Variants in POLR1C observed in about 807,000 individuals in gnomAD.
The protein encoded by POLR1C is DNA-directed RNA polymerases I and III subunit RPAC1.
In POLR1C, 42 loss-of-function variants were observed where a neutral mutation model predicts 38.3. The observed-to-expected ratio is 1.10, with a 90% CI of 0.86 to 1.42. The LOEUF (loss-of-function observed/expected upper bound fraction) is 1.42. Among genes scored for constraint, POLR1C ranks in the 40% most tolerant of loss-of-function variants. POLR1C has a pLI of 0.00. For synonymous variants in POLR1C, 163 were observed against 163.9 expected (o/e 0.99, Z 0.04); for missense variants, 507 against 450.5 (o/e 1.13, Z -1.14).
chr6:43,542,228 G>GT (rs1216714471), intron 9 of POLR1C, among the ~76,000 whole-genome samples: 2 of 151,996 alleles, frequency 1.3e-5, no homozygotes, highest in Non-Finnish European at 2.9e-5. Flanking sequence ...TGAAAGTACT[G>GT]TAACACTTGA....
downstream of POLR1C, among the ~76,000 whole-genome samples, chr6:43,532,273 T>G (rs1470562885): frequency 2.0e-5 from 3 of 152,200 alleles, no homozygotes; most frequent in Non-Finnish European, 2.9e-5. Context: ...CAGGACTATC[T>G]AGGCTGAAAC....
rs1582181080 is a variant in POLR1C at position 43,519,731 on chromosome 6, T to C, written c.275T>C (p.Val92Ala). The change falls in exon 4 of 9, where the codon GTC becomes GCC. Residue 92 changes from valine to alanine, a missense_variant. Transcript: ENST00000642195. ...GTGCCAACTATGGCTGTGGAGAAGG[T>C]CCTGGTGTACAATAATACATCCATT... The part of the protein sequence containing the change: ...AEVPTMAVEK[V>A]LVYNNTSIVQ... 2 of 1,614,048 alleles carry C rather than the reference T, an allele frequency of 1.2e-6. No individual in the cohort carries two copies. Among genetic ancestry groups the C allele is most frequent in the South Asian group, 1.1e-5 (1 of 91,086 alleles).
At chr6:43,525,330 G>C (rs1407224836), downstream of POLR1C, 2 of 1,007,104 alleles carry the variant, frequency 2.0e-6, no homozygotes, top group Non-Finnish European at 1.4e-6. Context: ...TCTAAAGATG[G>C]GTTTGTTTTG....
At chr6:43,552,944 T>C (rs952256644) in intron 10 of POLR1C, among the ~76,000 whole-genome samples, 1 of 152,210 alleles carries the variant, frequency 6.6e-6, no homozygotes, top group Non-Finnish European at 1.5e-5. Flanking sequence ...CTGTTTGAAC[T>C]TGAGTATGCT....
chr6:43,534,115 A>G, downstream of POLR1C: 1 of 754,522 alleles, frequency 1.3e-6, no homozygotes. Context: ...TCTGCCCATC[A>G]ACTCCTGGCA....
intron 9 of POLR1C, chr6:43,548,150 TA>T: frequency 9.4e-7 from 1 of 1,068,348 alleles, no homozygotes; most frequent in Non-Finnish European, 1.3e-6. Flanking sequence ...ATATCATGGA[TA>T]ATGCCATCAC....
chr6:43,519,518 C>A, intron 3 of POLR1C, 78 bp downstream of exon 3: 1 of 1,355,300 alleles, frequency 7.4e-7, no homozygotes, highest in Non-Finnish European at 1.1e-6. Flanking sequence ...TTAAGTGTCT[C>A]AAGCTGTCCT....
chr6:43,538,082 C>CAAAAAA (rs1217531011), intron 9 of POLR1C, among the ~76,000 whole-genome samples: 3 of 36,132 alleles, frequency 8.3e-5, no homozygotes, highest in African/African-American at 1.6e-4. Context: ...AAGATGGTCT[C>CAAAAAA]AAAAAAAAAA....
chr6:43,524,352 CAAAA>C (rs368583529), downstream of POLR1C: 942 of 1,065,858 alleles, frequency 8.8e-4, no homozygotes, highest in Admixed American at 1.7e-3. Context: ...AACCCCATCT[CAAAA>C]AAAAAAAAAA....
chr6:43,526,898 A>G (rs1227153607), intron 8 of POLR1C: 3 of 727,394 alleles, frequency 4.1e-6, no homozygotes, highest in Middle Eastern at 3.8e-4. Flanking sequence ...AGCTTCACCA[A>G]TAGAAATAGA....
rs115983098 is a variant in POLR1C at position 43,560,023 on chromosome 6, C to T, written c.*49-1377C>T. Among the ~76,000 whole-genome samples the T allele has an allele frequency of 2.1e-3, 315 of 152,266 alleles. 2 individuals are homozygous for T. Among genetic ancestry groups the T allele is most frequent in the African/African-American group, 6.8e-3 (282 of 41,542 alleles). ...TAGTAGAGACGAGGTTTTGCCATGT[C>T]GCACAGGCTGGTCTCCAACTCCTGG... On this transcript the variant is annotated intron_variant, in intron 10 of 10. Transcript: ENST00000607635.
rs186395114 is a variant in POLR1C, at chr6:43,517,366, C to G, written c.130C>G (p.Arg44Gly). 6.2e-7 allele frequency: 1 copy of G among 1,613,780 alleles called. No individual in the cohort carries two copies. Among genetic ancestry groups the G allele is most frequent in the Non-Finnish European group, 8.5e-7 (1 of 1,179,922 alleles). ...SGYDDAWDQD[R>G]FEKNFRVDVV... ...TTATGATGATGCCTGGGACCAGGAC[C>G]GCTTCGAGAAGGTAAGTGGGGCCGG... Residue 44 changes from arginine to glycine, a missense_variant, in exon 2 of 9, where the codon CGC becomes GGC. By Grantham distance (125) the Arg-to-Gly change is moderately radical. Coordinates refer to ENST00000642195, the MANE Select transcript of POLR1C (RefSeq NM_203290.4).
downstream of POLR1C, chr6:43,530,878 G>C (rs1419336959): frequency 6.4e-7 from 1 of 1,568,336 alleles, no homozygotes; most frequent in Non-Finnish European, 8.6e-7. Context: ...ATCTGTTACT[G>C]CCAGCCCTGT....
rs1372107733 is a variant in POLR1C, at chr6:43,539,135, G to A, written c.*4+9776G>A. 10 of 1,171,310 alleles carry A rather than the reference G, an allele frequency of 8.5e-6. No homozygotes were observed. In the East Asian group the frequency reaches 2.5e-4, roughly 29 times the overall value. 72.6% of individuals were successfully genotyped at this position (1,171,310 alleles called of 1,614,324 possible). On this transcript the variant is annotated intron_variant, in intron 9 of 10. Coordinates refer to the POLR1C transcript ENST00000607635. ...TGCAGGGATGAGGCGCACCAGCACA[G>A]AGCCACGGCGGCCTGTCACCTTGCA...
At chr6:43,535,286 C>CA (rs1242878321) in intron 9 of POLR1C, among the ~76,000 whole-genome samples, 2 of 151,386 alleles carry the variant, frequency 1.3e-5, no homozygotes, top group East Asian at 2.0e-4. Context: ...AACAAAACCC[C>CA]AAAAAACAGA....
intron 9 of POLR1C, chr6:43,544,160 T>C (rs1794851414): frequency 6.4e-6 from 1 of 155,202 alleles, no homozygotes; most frequent in South Asian, 2.0e-4. Context: ...ACTAAGAAAA[T>C]AGAGTCCTTA....
chr6:43,520,550 G>A, intron 6 of POLR1C, 75 bp from the exon 7 acceptor site: 6 of 1,603,754 alleles, frequency 3.7e-6, no homozygotes, highest in South Asian at 1.1e-5. Flanking sequence ...TGCTTTTGCT[G>A]TTAGTAGCTT....
At chr6:43,536,911 A>G (rs912580733) in intron 9 of POLR1C, among the ~76,000 whole-genome samples, 3 of 151,974 alleles carry the variant, frequency 2.0e-5, no homozygotes, top group African/African-American at 7.3e-5. Context: ...GTCCTCGACA[A>G]CTCAACTCTG....
chr6:43,551,374 C>T (rs1795221276), intron 10 of POLR1C: 2 of 1,613,776 alleles, frequency 1.2e-6, no homozygotes, highest in African/African-American at 1.3e-5. Context: ...AGTAAGGACG[C>T]AGGACAGGAT....
Sources: gnomAD v4.1 joint callset for allele counts (sites outside exome capture counted in the v4.1 genomes callset) on GRCh38, gnomAD v4.1.1 for gene constraint, MANE v1.5 for transcripts, NCBI Gene and HGNC (gene_info 2026-07-23, HGNC 2026-07-21) for gene names.